Variants in MAPKAP1 observed in about 807,000 individuals in gnomAD.
The protein encoded by MAPKAP1 is MAPK associated protein 1, also known as target of rapamycin complex 2 subunit MAPKAP1.
MAPKAP1 carries 20 observed loss-of-function variants against 65.7 expected under a neutral mutation model. The observed-to-expected ratio is 0.30, with a 90% CI of 0.21 to 0.44. The LOEUF is 0.44. Among genes scored for constraint, MAPKAP1 ranks in the 20% least tolerant of loss-of-function variants. The pLI, the probability that MAPKAP1 is intolerant of heterozygous loss-of-function variation, is 1.00. For missense variants in MAPKAP1, 423 were observed against 648.0 expected (o/e 0.65, Z 3.77); for synonymous variants, 222 against 244.3 (o/e 0.91, Z 0.85).
chr9:125,694,647 C>T (rs1424716435), intron 1 of MAPKAP1, among the ~76,000 whole-genome samples: 1 of 152,174 alleles, frequency 6.6e-6, no homozygotes, highest in Non-Finnish European at 1.5e-5. Flanking sequence ...AGAAACCGTG[C>T]TTACTCCAAA....
intron 3 of MAPKAP1, 107 bp downstream of exon 3, chr9:125,669,711 G>A (rs951589559): frequency 5.6e-6 from 3 of 536,516 alleles, no homozygotes; most frequent in Non-Finnish European, 9.7e-6. Flanking sequence ...AACACTAGAG[G>A]TATCTAAGTC....
At chr9:125,576,526 C>CCCACGGTCTCCCTCTCTTT in intron 5 of MAPKAP1, among the ~76,000 whole-genome samples, 1 of 152,136 alleles carries the variant, frequency 6.6e-6, no homozygotes, top group African/African-American at 2.4e-5. Context: ...TCTCCCTCTC[C>CCCACGGTCTCCCTCTCTTT]CCACGGTCTC....
intron 3 of MAPKAP1, among the ~76,000 whole-genome samples, chr9:125,665,327 A>G (rs987043765): frequency 2.0e-5 from 3 of 152,118 alleles, no homozygotes; most frequent in Admixed American, 2.0e-4. Context: ...CAAACAAACA[A>G]AAAAGAAATA....
intron 7 of MAPKAP1, among the ~76,000 whole-genome samples, chr9:125,528,142 G>T (rs987515015): frequency 1.3e-5 from 2 of 152,148 alleles, no homozygotes; most frequent in Non-Finnish European, 2.9e-5. Flanking sequence ...GAAAAGCGGG[G>T]GCTCTCATTC....
intron 4 of MAPKAP1, among the ~76,000 whole-genome samples, chr9:125,623,737 G>A (rs1589354827): frequency 2.1e-4 from 9 of 42,410 alleles, no homozygotes; most frequent in South Asian, 2.0e-3. Flanking sequence ...CCGGCCAGCC[G>A]CCCCATCCGG....
Position 125,681,275 on chromosome 9 carries a change from A to G in MAPKAP1, c.-69-8632T>C, listed in dbSNP as rs190793920. On this transcript the variant is annotated intron_variant, in intron 1 of 11. Transcript: ENST00000265960. ...GGAAGGAATGTTGTGGAAATTCTGA[A>G]CCTTGGCCTCAAGAGCGCTTGCAGC... Among the ~76,000 whole-genome samples the G allele has an allele frequency of 2.8e-3, 422 of 152,316 alleles. 2 individuals are homozygous for G. The highest frequency in any genetic ancestry group is 9.3e-3 in the African/African-American group (385 of 41,564).
At chr9:125,594,768 C>T (rs1832076240) in intron 4 of MAPKAP1, among the ~76,000 whole-genome samples, 1 of 152,162 alleles carries the variant, frequency 6.6e-6, no homozygotes, top group Admixed American at 6.5e-5. Flanking sequence ...ATTTTGTATT[C>T]TCTTAGAGCC....
chr9:125,459,293 G>A (rs999681748), intron 10 of MAPKAP1, among the ~76,000 whole-genome samples: 6 of 150,732 alleles, frequency 4.0e-5, no homozygotes, highest in South Asian at 2.1e-4. Context: ...TTCCTAGATC[G>A]GATGGCGGCC....
chr9:125,576,859 C>G (rs1416180872), intron 5 of MAPKAP1, among the ~76,000 whole-genome samples: 2 of 151,956 alleles, frequency 1.3e-5, no homozygotes, highest in African/African-American at 4.8e-5. Context: ...GGCGTGATCT[C>G]GGCTCGTTAC....
At chr9:125,648,142 G>C (rs1026541006) in intron 4 of MAPKAP1, among the ~76,000 whole-genome samples, 14 of 152,104 alleles carry the variant, frequency 9.2e-5, no homozygotes, top group African/African-American at 2.9e-4. Flanking sequence ...AAGAGTCTAG[G>C]AAAAAGAGCT....
At chr9:125,494,605 G>C (rs1434825901) in intron 8 of MAPKAP1, among the ~76,000 whole-genome samples, 1 of 152,186 alleles carries the variant, frequency 6.6e-6, no homozygotes, top group Non-Finnish European at 1.5e-5. Flanking sequence ...GGGCCTACGA[G>C]GCTCTGCATC....
At chr9:125,530,838 A>G (rs1829913274) in intron 7 of MAPKAP1, among the ~76,000 whole-genome samples, 1 of 152,254 alleles carries the variant, frequency 6.6e-6, no homozygotes, top group Non-Finnish European at 1.5e-5. Context: ...GTAAACCAAA[A>G]CCTAAAGAGA....
At chr9:125,698,284 TATAAATATA>T (rs1451645390) in intron 1 of MAPKAP1, among the ~76,000 whole-genome samples, 16 of 25,908 alleles carry the variant, frequency 6.2e-4, no homozygotes, top group African/African-American at 5.1e-3. Flanking sequence ...ACATAATATA[TATAAATATA>T]TATATATATA....
chr9:125,693,461 A>G lies in MAPKAP1; in HGVS notation c.-70+13510T>C, dbSNP rs1835236356. Among the ~76,000 whole-genome samples, 4 of 150,458 alleles carry G rather than the reference A, an allele frequency of 2.7e-5. No homozygotes were observed. In the South Asian group the frequency reaches 8.3e-4, roughly 31 times the overall value. On this transcript the variant is annotated intron_variant, in intron 1 of 11. Coordinates refer to ENST00000265960, the MANE Select transcript of MAPKAP1 (RefSeq NM_001006617.3). ...TATATATACACACACACACACATACATGTATATATACACACACATATACAC... is the reference window on the plus strand; with the variant it reads ...TATATATACACACACACACACATACGTGTATATATACACACACATATACAC...
chr9:125,631,853 A>G (rs970291690), intron 4 of MAPKAP1, among the ~76,000 whole-genome samples: 12 of 152,192 alleles, frequency 7.9e-5, no homozygotes, highest in African/African-American at 2.9e-4. Context: ...GGCTTGGCTT[A>G]GGGGTCATCT....
chr9:125,682,791 A>G (rs1834861315), intron 1 of MAPKAP1, among the ~76,000 whole-genome samples: 2 of 152,166 alleles, frequency 1.3e-5, no homozygotes, highest in Non-Finnish European at 2.9e-5. Context: ...CTAGCACTCA[A>G]TTGTCTACCA....
chr9:125,664,593 C>T (rs1399384022), intron 3 of MAPKAP1, among the ~76,000 whole-genome samples: 1 of 151,160 alleles, frequency 6.6e-6, no homozygotes, highest in Non-Finnish European at 1.5e-5. Flanking sequence ...GGCGTGGTGG[C>T]AGATGCCTGT....
At chr9:125,656,202 C>T (rs1453415256) in intron 4 of MAPKAP1, among the ~76,000 whole-genome samples, 4 of 152,164 alleles carry the variant, frequency 2.6e-5, no homozygotes, top group African/African-American at 9.7e-5. Flanking sequence ...AATAACTTCT[C>T]ACATGTCTAA....
At chr9:125,490,140 A>G (rs1329959133) in intron 8 of MAPKAP1, among the ~76,000 whole-genome samples, 1 of 152,186 alleles carries the variant, frequency 6.6e-6, no homozygotes, top group African/African-American at 2.4e-5. Context: ...GGTGGTGGGG[A>G]ATTCCCAAGT....
Sources: gnomAD v4.1 joint callset for allele counts (sites outside exome capture counted in the v4.1 genomes callset) on GRCh38, gnomAD v4.1.1 for gene constraint, MANE v1.5 for transcripts, NCBI Gene and HGNC (gene_info 2026-07-23, HGNC 2026-07-21) for gene names.